EMG1: variants seen among roughly 807,000 people sequenced by gnomAD.
The protein encoded by EMG1 is EMG1 N1-specific pseudouridine methyltransferase.
EMG1 carries 24 observed loss-of-function variants against 26.9 expected under a neutral mutation model. The observed-to-expected ratio is 0.89, with a 90% CI of 0.65 to 1.26. EMG1 has a LOEUF of 1.26. Ranked by LOEUF, EMG1 falls within the 50% of genes most tolerant of loss-of-function variation. EMG1 has a pLI of 0.00. For synonymous variants in EMG1, 140 were observed against 112.6 expected (o/e 1.24, Z -1.54); for missense variants, 299 against 307.6 (o/e 0.97, Z 0.21).
At chr12:6,991,207 G>C (rs1946587596), downstream of EMG1, among the ~76,000 whole-genome samples, 1 of 152,082 alleles carries the variant, frequency 6.6e-6, no homozygotes, top group Non-Finnish European at 1.5e-5. Context: ...TGTTAGTTTG[G>C]TTAAAATATA....
chr12:6,983,549 G>C (rs372012935), downstream of EMG1: 41 of 1,546,564 alleles, frequency 2.7e-5, no homozygotes, highest in African/African-American at 5.5e-4. Flanking sequence ...CCTAGATGGG[G>C]GAAAAGATAA....
At chr12:6,996,519 G>A (rs1032132818) in intron 7 of EMG1, among the ~76,000 whole-genome samples, 27 of 152,152 alleles carry the variant, frequency 1.8e-4, no homozygotes, top group African/African-American at 4.6e-4. Context: ...AGTCCCTACC[G>A]TACCCCAGTG....
rs946553633 is a variant in EMG1, at chr12:6,987,066, T to G, written c.*155-716T>G. Among the ~76,000 whole-genome samples, 1 of 151,436 alleles carries G rather than the reference T, an allele frequency of 6.6e-6. No homozygotes were observed. Among genetic ancestry groups the G allele is most frequent in the African/African-American group, 2.4e-5 (1 of 41,070 alleles). ...AGGCGGAGGTGGCAGTGAGCTGAGA[T>G]CACGCCATTGCACTCCAGCTTGGGC... On this transcript the variant is annotated intron_variant and NMD_transcript_variant, in intron 6 of 7. Transcript: ENST00000261406. This position sits in a 1 kb window ranked among gnomAD's most constrained non-coding sequence, Gnocchi z 4.1.
In EMG1 at chr12:6,979,641, G is replaced by T; in HGVS notation, c.*3832G>T. The T allele has an allele frequency of 1.7e-6, 2 of 1,173,694 alleles. No individual in the cohort carries two copies. Among genetic ancestry groups the T allele is most frequent in the Non-Finnish European group, 1.3e-6 (1 of 783,174 alleles). 72.7% of individuals were successfully genotyped at this position (1,173,694 alleles called of 1,614,324 possible). On this transcript the variant is annotated 3_prime_UTR_variant, in exon 6 of 6. Coordinates refer to ENST00000599672, the MANE Select transcript of EMG1 (RefSeq NM_006331.8). Reference sequence around the variant, plus strand: ...GCAGAGACTATTCCCTTCACCCTCTGACCTTCAGTTATGGAGAGGAGTGTT... The same window carrying T: ...GCAGAGACTATTCCCTTCACCCTCTTACCTTCAGTTATGGAGAGGAGTGTT...
chr12:6,975,013 G>A (rs1946376691), intron 3 of EMG1, 77 bp from the exon 4 acceptor site: 2 of 1,403,524 alleles, frequency 1.4e-6, no homozygotes, highest in Non-Finnish European at 1.0e-6. Flanking sequence ...CTTATCCATG[G>A]GGTTTTCCTT....
In EMG1 at chr12:6,971,007, G is replaced by A; in HGVS notation, c.84G>A (p.Lys28=). 1 of 1,611,940 alleles carries A rather than the reference G, an allele frequency of 6.2e-7. No homozygotes were observed. The highest frequency in any genetic ancestry group is 8.5e-7 in the Non-Finnish European group (1 of 1,178,952). The change falls in exon 1 of 6, where the codon AAG becomes AAA. Residue 28 remains lysine (K), a synonymous_variant. Transcript: ENST00000599672. ...QAQDWDALPP[K]RPRLGAGNKI... is the part of the protein sequence containing the mutation. Reference sequence around the variant, plus strand: ...AGGACTGGGATGCTCTGCCACCCAAGCGGCCCCGACTAGGGGCAGGAAACA... The same window carrying A: ...AGGACTGGGATGCTCTGCCACCCAAACGGCCCCGACTAGGGGCAGGAAACA...
At chr12:6,983,691 C>A, downstream of EMG1, 1 of 587,716 alleles carries the variant, frequency 1.7e-6, no homozygotes, top group Non-Finnish European at 3.0e-6. Flanking sequence ...AAGGCAATAA[C>A]GGTATCCCCA....
Position 6,987,838 on chromosome 12 carries a change from G to A in EMG1, c.*211G>A, listed in dbSNP as rs1591549763. 2 of 400,570 alleles carry A rather than the reference G, an allele frequency of 5.0e-6. No homozygotes were observed. Among genetic ancestry groups the A allele is most frequent in the East Asian group, 7.1e-5 (2 of 28,086 alleles). 24.8% of individuals were successfully genotyped at this position (400,570 alleles called of 1,614,324 possible). A position where few individuals can be genotyped will look rare whatever the true frequency, so the allele number is the denominator to read the frequency against. On this transcript the variant is annotated splice_region_variant and 3_prime_UTR_variant and NMD_transcript_variant, in exon 7 of 8. Coordinates refer to the EMG1 transcript ENST00000261406. The surrounding 1 kb of genome is among the most constrained non-coding windows in gnomAD (Gnocchi z 4.1). ...TCATGATGGCTTTATGACGTTCTGAGGTATGTGAAATTGTCTGCCTGACTC... is the reference window on the plus strand; with the variant it reads ...TCATGATGGCTTTATGACGTTCTGAAGTATGTGAAATTGTCTGCCTGACTC...
At chr12:6,982,615 TACCCCTGTCCCCTGA>T, downstream of EMG1, 1 of 1,279,230 alleles carries the variant, frequency 7.8e-7, no homozygotes, top group Non-Finnish European at 1.1e-6. Flanking sequence ...GTCCCCTGCC[TACCCCTGTCCCCTGA>T]ACCGCTGTCA....
Position 6,974,362 on chromosome 12 carries a change from C to G in EMG1, c.192C>G (p.Leu64=). 1.9e-6 allele frequency: 3 copies of G among 1,613,266 alleles called. No individual in the cohort carries two copies. The highest frequency in any genetic ancestry group is 2.5e-6 in the Non-Finnish European group (3 of 1,179,494). ...AGGTAGGGAAGACATATGAGCTACT[C>G]AACTGTGACAAGCACAAGTCTATAT... The part of the protein sequence containing the change: ...TVKVGKTYEL[L]NCDKHKSILL... The change falls in exon 2 of 6, where the codon CTC becomes CTG. Residue 64 remains leucine (L), a synonymous_variant. Coordinates refer to ENST00000599672, the MANE Select transcript of EMG1 (RefSeq NM_006331.8).
At position 6,977,886 on chromosome 12, in the gene EMG1, G is replaced by A. The variant is rs781979739; in HGVS notation, c.*2077G>A. The A allele has an allele frequency of 4.4e-5, 41 of 940,962 alleles. No individual in the cohort carries two copies. The highest frequency in any genetic ancestry group is 2.2e-4 in the South Asian group (14 of 63,274). The allele number at this position is 940,962 out of a possible 1,614,324, so 58.3% of individuals were successfully genotyped here. On this transcript the variant is annotated 3_prime_UTR_variant, in exon 6 of 6. Coordinates refer to ENST00000599672, the MANE Select transcript of EMG1 (RefSeq NM_006331.8). This position sits in a 1 kb window ranked among gnomAD's most constrained non-coding sequence, Gnocchi z 4.5. ...TAGCCCCCAGAGGGTACAGGAGGCA[G>A]TGCTGACTGATTACTTTTAGAGATG...
chr12:6,983,484 G>C, downstream of EMG1: 1 of 1,613,320 alleles, frequency 6.2e-7, no homozygotes, highest in Non-Finnish European at 8.5e-7. Context: ...AGAGGTGGAT[G>C]AGGTAGGTCT....
At chr12:6,988,580 T>C (rs1177127516), downstream of EMG1, among the ~76,000 whole-genome samples, 1 of 152,148 alleles carries the variant, frequency 6.6e-6, no homozygotes, top group Non-Finnish European at 1.5e-5. Flanking sequence ...TGGCTAGAGT[T>C]ACCTGAAGAA....
chr12:6,972,066 CTT>C lies in EMG1; in HGVS notation c.168+994_168+995del, dbSNP rs11292192. 2.5e-3 allele frequency among the ~76,000 whole-genome samples: 313 copies of C among 124,670 alleles called. 2 individuals are homozygous for C. The highest frequency in any genetic ancestry group is 3.7e-3 in the Admixed American group (43 of 11,718). 81.8% of individuals were successfully genotyped at this position (124,670 alleles called of 152,430 possible). ...GATTTTAATCTTCGTTCTAAATACACTTTTTTTTTTTTTTTTTTTTGAGATGG... is the reference window on the plus strand; with the variant it reads ...GATTTTAATCTTCGTTCTAAATACACTTTTTTTTTTTTTTTTTTGAGATGG... On this transcript the variant is annotated intron_variant, in intron 1 of 5. Transcript: ENST00000599672.
downstream of EMG1, chr12:6,981,577 C>T (rs782597502): frequency 9.9e-6 from 16 of 1,613,312 alleles, no homozygotes; most frequent in East Asian, 6.7e-5. Context: ...ACCTCTCTGC[C>T]GATGAATGGG....
chr12:6,988,088 G>C (rs1946546392), intron 7 of EMG1: 1 of 307,102 alleles, frequency 3.3e-6, no homozygotes. Flanking sequence ...AAGGGGCTTG[G>C]GTGCTTTCCT....
At position 6,977,400 on chromosome 12, in the gene EMG1, G is replaced by A. The variant is rs782536773; in HGVS notation, c.*1591G>A. 6.2e-7 allele frequency: 1 copy of A among 1,614,198 alleles called. No individual in the cohort carries two copies. The highest frequency in any genetic ancestry group is 1.1e-5 in the South Asian group (1 of 91,086). On this transcript the variant is annotated 3_prime_UTR_variant, in exon 6 of 6. Transcript: ENST00000599672. This position sits in a 1 kb window ranked among gnomAD's most constrained non-coding sequence, Gnocchi z 4.5. ...ATTTGTCCCACGTGAAGAGGCAGAA[G>A]GCAGTCATGGAGTAACCCATGAAGA...
chr12:6,977,050 G>T lies in EMG1; in HGVS notation c.*1241G>T, dbSNP rs112876777. 1 of 876,172 alleles carries T rather than the reference G, an allele frequency of 1.1e-6. No individual in the cohort carries two copies. The highest frequency in any genetic ancestry group is 1.7e-5 in the African/African-American group (1 of 60,582). The allele number at this position is 876,172 out of a possible 1,614,324, so 54.3% of individuals were successfully genotyped here. ...AGGCTAATCCTTGGAATTCACCCCA[G>T]ATTTCTAATACTATTGTTTTTTTCC... On this transcript the variant is annotated 3_prime_UTR_variant, in exon 6 of 6. Transcript: ENST00000599672. This position sits in a 1 kb window ranked among gnomAD's most constrained non-coding sequence, Gnocchi z 4.5.
rs1045087076 is a variant in EMG1, at chr12:6,987,716, G to T, written c.*155-66G>T. The stretch of plus-strand genomic sequence containing the variant: ...AAACCCTTAACCATTTGGAATGCTC[G>T]AAATTAAAAAACACCACACATATTA... On this transcript the variant is annotated intron_variant and NMD_transcript_variant, in intron 6 of 7. Coordinates refer to the EMG1 transcript ENST00000261406. The surrounding 1 kb of genome is among the most constrained non-coding windows in gnomAD (Gnocchi z 4.1). 1 of 399,696 alleles carries T rather than the reference G, an allele frequency of 2.5e-6. No homozygotes were observed. Among genetic ancestry groups the T allele is most frequent in the Non-Finnish European group, 4.4e-6 (1 of 225,986 alleles). 24.8% of individuals were successfully genotyped at this position (399,696 alleles called of 1,614,324 possible). A position where few individuals can be genotyped will look rare whatever the true frequency, so the allele number is the denominator to read the frequency against.
Sources: gnomAD v4.1 joint callset for allele counts (sites outside exome capture counted in the v4.1 genomes callset) on GRCh38, gnomAD v4.1.1 for gene constraint, Gnocchi (gnomAD v3.1) non-coding constraint, MANE v1.5 for transcripts, NCBI Gene and HGNC (gene_info 2026-07-23, HGNC 2026-07-21) for gene names.